Variants in FGD3 observed in about 807,000 individuals in gnomAD.
FGD3 encodes the protein FYVE, RhoGEF and PH domain-containing protein 3.
A neutral mutation model predicts 71.8 loss-of-function variants in FGD3; 45 were observed. The ratio of observed to expected loss-of-function variants is 0.63; its 90% confidence interval spans 0.49 to 0.80. The LOEUF (loss-of-function observed/expected upper bound fraction) is 0.80. Ranked by LOEUF, FGD3 falls within the 30% of genes least tolerant of loss-of-function variation. The pLI, the probability that FGD3 is intolerant of heterozygous loss-of-function variation, is 0.00. For synonymous variants in FGD3, 378 were observed against 392.8 expected, an observed-to-expected ratio of 0.96 and a Z score of 0.44; for missense variants, 844 against 951.5, an observed-to-expected ratio of 0.89 and a Z score of 1.49.
intron 3 of FGD3, among the ~76,000 whole-genome samples, chr9:92,978,983 G>A (rs1310326298): frequency 6.6e-6 from 1 of 150,940 alleles, no homozygotes; most frequent in Non-Finnish European, 1.5e-5. Context: ...TTACTGAACT[G>A]GTTCGTTAGT....
chr9:93,028,388 G>C (rs1224694827), intron 14 of FGD3, among the ~76,000 whole-genome samples: 1 of 150,982 alleles, frequency 6.6e-6, no homozygotes, highest in African/African-American at 2.4e-5. Context: ...CAGTTTCCCT[G>C]ACTGGAGAGG....
chr9:92,976,497 C>G lies in FGD3; in HGVS notation c.241C>G (p.Pro81Ala), dbSNP rs774202106. ...IPNRDSGIDS[P>A]SSSVAGENFP... is the part of the protein sequence containing the mutation. Reference sequence around the variant, plus strand: ...CAACCGGGACAGCGGGATCGACAGTCCCTCCTCCAGTGTGGCTGGAGAGAA... The same window carrying G: ...CAACCGGGACAGCGGGATCGACAGTGCCTCCTCCAGTGTGGCTGGAGAGAA... The change falls in exon 3 of 18, where the codon CCC becomes GCC. Residue 81 changes from proline (P) to alanine (A), a missense_variant. Transcript: ENST00000375482. 20 of 1,612,318 alleles carry G rather than the reference C, an allele frequency of 1.2e-5. No individual in the cohort carries two copies. In the South Asian group the frequency reaches 2.2e-4, roughly 18 times the overall value.
At chr9:92,972,780 CTG>C (rs139020105) in intron 1 of FGD3, among the ~76,000 whole-genome samples, 24 of 151,426 alleles carry the variant, frequency 1.6e-4, no homozygotes, top group Admixed American at 1.2e-3. Context: ...CTCAGTTTCT[CTG>C]TGTGTGTGTG....
chr9:92,967,760 A>G (rs1176598628), intron 1 of FGD3, among the ~76,000 whole-genome samples: 1 of 152,088 alleles, frequency 6.6e-6, no homozygotes, highest in Non-Finnish European at 1.5e-5. Context: ...TTTTTAGTAG[A>G]GACAGGGTTT....
At chr9:92,993,289 C>G (rs2118657232) in intron 3 of FGD3, among the ~76,000 whole-genome samples, 1 of 152,214 alleles carries the variant, frequency 6.6e-6, no homozygotes, top group East Asian at 1.9e-4. Flanking sequence ...GCTATAAAGT[C>G]TATTTTATCT....
chr9:93,014,449 TG>T (rs371771406), intron 9 of FGD3, among the ~76,000 whole-genome samples: 83 of 152,148 alleles, frequency 5.5e-4, no homozygotes, highest in African/African-American at 1.9e-3. Flanking sequence ...TAGAAACAGA[TG>T]TGGTTCTTCT....
intron 13 of FGD3, 167 bp downstream of exon 13, chr9:93,020,591 C>T (rs1382464958): frequency 1.6e-6 from 1 of 612,134 alleles, no homozygotes; most frequent in African/African-American, 1.9e-5. Flanking sequence ...AAACTTAAGA[C>T]AAATTAAATT....
rs945298176 is a variant in FGD3, at chr9:93,034,439, A to G, written c.1786-102A>G. On this transcript the variant is annotated intron_variant, in intron 16 of 17. Coordinates refer to ENST00000375482, the MANE Select transcript of FGD3 (RefSeq NM_001083536.2). ...AGATCTTGGCCATGTCTCCACAGCC[A>G]GCTCCCCCCAAGCAGTGGCCCTGGC... 13 of 1,439,980 alleles carry G rather than the reference A, an allele frequency of 9.0e-6. No individual in the cohort carries two copies. The East Asian group carries it at 2.5e-4, about 27-fold the overall frequency. 89.2% of individuals were successfully genotyped at this position (1,439,980 alleles called of 1,614,324 possible).
intron 1 of FGD3, among the ~76,000 whole-genome samples, chr9:92,970,178 G>A (rs1050748001): frequency 3.9e-5 from 6 of 152,172 alleles, no homozygotes; most frequent in African/African-American, 1.4e-4. Flanking sequence ...TGTGTCCCAG[G>A]GCCAGCCTCT....
chr9:92,956,834 CTTTCTTTTTT>C (rs1356731192), intron 1 of FGD3, among the ~76,000 whole-genome samples: 74 of 127,782 alleles, frequency 5.8e-4, no homozygotes, highest in Middle Eastern at 4.2e-3. Context: ...TAATTGCTTT[CTTTCTTTTTT>C]TTTTTTTTTT....
chr9:92,965,019 G>A (rs897726975), intron 1 of FGD3, among the ~76,000 whole-genome samples: 3 of 152,234 alleles, frequency 2.0e-5, no homozygotes, highest in Admixed American at 1.3e-4. Context: ...AGCCTCCTCA[G>A]CACCCCGTGC....
In FGD3 at chr9:93,034,586, C is replaced by T; in HGVS notation, c.1831C>T (p.Leu611=). ...CCAGCCCAGCCTGCTCTGCGGCCCC[C>T]TGCGGCTGTCAGAGAGCGGTGAGAC... The part of the protein sequence containing the change: ...DPQPSLLCGP[L]RLSESGETWS... Residue 611 remains leucine (L), a synonymous_variant, in exon 17 of 18, where the codon CTG becomes TTG. Transcript: ENST00000375482. The T allele has an allele frequency of 6.2e-7, 1 of 1,613,520 alleles. No individual in the cohort carries two copies. Among genetic ancestry groups the T allele is most frequent in the Non-Finnish European group, 8.5e-7 (1 of 1,179,886 alleles).
intron 1 of FGD3, among the ~76,000 whole-genome samples, chr9:92,970,803 G>A (rs1204235292): frequency 1.3e-5 from 2 of 152,172 alleles, no homozygotes; most frequent in African/African-American, 4.8e-5. Context: ...GTTTGTTTAT[G>A]CATGTGTGCA....
chr9:92,966,036 G>A (rs927921515), intron 1 of FGD3, among the ~76,000 whole-genome samples: 3 of 152,198 alleles, frequency 2.0e-5, no homozygotes, highest in African/African-American at 7.2e-5. Flanking sequence ...TCCCTAGGCG[G>A]GACGACCGTC....
At chr9:93,019,796 G>T in intron 11 of FGD3, 35 bp from the exon 12 acceptor site, 1 of 1,607,980 alleles carries the variant, frequency 6.2e-7, no homozygotes, top group South Asian at 1.1e-5. Flanking sequence ...CAGTATCCAA[G>T]ACTGGATTAA....
chr9:93,032,153 A>G (rs1862380468), intron 15 of FGD3, among the ~76,000 whole-genome samples: 1 of 152,194 alleles, frequency 6.6e-6, no homozygotes, highest in African/African-American at 2.4e-5. Flanking sequence ...TAACGCTGCT[A>G]TGGACATGAA....
At chr9:92,953,643 C>A (rs1052839141) in intron 1 of FGD3, among the ~76,000 whole-genome samples, 1 of 152,182 alleles carries the variant, frequency 6.6e-6, no homozygotes, top group Non-Finnish European at 1.5e-5. Flanking sequence ...TGCACACGGG[C>A]CTCACAGTTC....
chr9:92,978,513 T>G (rs1859858015), intron 3 of FGD3, among the ~76,000 whole-genome samples: 1 of 150,424 alleles, frequency 6.6e-6, no homozygotes, highest in Non-Finnish European at 1.5e-5. Context: ...TGACTCTGTA[T>G]GGACTGGCTC....
At chr9:92,994,848 C>A (rs1860565048) in intron 3 of FGD3, among the ~76,000 whole-genome samples, 1 of 152,158 alleles carries the variant, frequency 6.6e-6, no homozygotes, top group Admixed American at 6.5e-5. Context: ...TGTTTTGGTA[C>A]CAGTACCATG....
Sources: allele counts gnomAD v4.1 joint callset (sites outside exome capture counted in the v4.1 genomes callset), GRCh38; gene constraint gnomAD v4.1.1; transcripts MANE v1.5; gene names NCBI Gene and HGNC (gene_info 2026-07-23, HGNC 2026-07-21).